Variants in MCTP1 observed in about 807,000 individuals in gnomAD.
The protein encoded by MCTP1 is multiple C2 and transmembrane domain containing 1, also known as multiple C2 and transmembrane domain-containing protein 1.
MCTP1 carries 69 observed loss-of-function variants against 120.6 expected under a neutral mutation model. The ratio of observed to expected loss-of-function variants is 0.57; its 90% CI spans 0.47 to 0.70. The LOEUF is 0.70. MCTP1 is among the 30% of genes least tolerant of loss of function. The probability of loss-of-function intolerance (pLI) is 0.00; values close to 1 mark genes in which losing one functional copy is unlikely to be tolerated. For missense variants in MCTP1, 1,203 were observed against 1,248.8 expected, an observed-to-expected ratio of 0.96 and a Z score of 0.55; for synonymous variants, 529 against 493.1, an observed-to-expected ratio of 1.07 and a Z score of -0.96.
rs1250725948 is a variant in MCTP1, at chr5:95,002,686, A to C, written c.838+14681T>G. On this transcript the variant is annotated intron_variant, in intron 2 of 22. Transcript: ENST00000515393. Reference sequence around the variant, plus strand: ...GTAACCCCATTGTATCTAAGAATTAACTAACTTGCTTTTGATTTTACAGGC... The same window carrying C: ...GTAACCCCATTGTATCTAAGAATTACCTAACTTGCTTTTGATTTTACAGGC... Among the ~76,000 whole-genome samples the C allele has an allele frequency of 7.2e-5, 11 of 152,338 alleles. No individual in the cohort carries two copies. The South Asian group carries it at 2.3e-3, about 32-fold the overall frequency.
At chr5:94,903,417 T>A (rs1806021291) in intron 10 of MCTP1, among the ~76,000 whole-genome samples, 1 of 152,214 alleles carries the variant, frequency 6.6e-6, no homozygotes, top group South Asian at 2.1e-4. Flanking sequence ...CAAAGGCTAT[T>A]TTCCTCATTT....
intron 1 of MCTP1, among the ~76,000 whole-genome samples, chr5:95,280,293 A>G (rs1480552072): frequency 6.6e-6 from 1 of 152,244 alleles, no homozygotes; most frequent in African/African-American, 2.4e-5. Flanking sequence ...TACACTGAAT[A>G]ATTTTCCTAC....
chr5:95,198,176 T>A (rs1430622282), intron 1 of MCTP1, among the ~76,000 whole-genome samples: 2 of 152,276 alleles, frequency 1.3e-5, no homozygotes, highest in Middle Eastern at 6.8e-3. Context: ...TATATGTAAA[T>A]GCATATCTAA....
chr5:95,275,075 A>T (rs1487513271), intron 1 of MCTP1, among the ~76,000 whole-genome samples: 1 of 152,052 alleles, frequency 6.6e-6, no homozygotes, highest in Admixed American at 6.6e-5. Context: ...TGTCATATTG[A>T]TGCTTACATG....
chr5:95,161,259 C>T (rs1457983412), intron 1 of MCTP1, among the ~76,000 whole-genome samples: 1 of 152,076 alleles, frequency 6.6e-6, no homozygotes, highest in Non-Finnish European at 1.5e-5. Flanking sequence ...TAGTATTCGG[C>T]CTCATAAAGG....
intron 19 of MCTP1, among the ~76,000 whole-genome samples, chr5:94,758,953 T>C (rs1405525719): frequency 6.6e-6 from 1 of 152,214 alleles, no homozygotes; most frequent in Non-Finnish European, 1.5e-5. Flanking sequence ...TGGATTTGCC[T>C]TTTTTAATGC....
intron 2 of MCTP1, among the ~76,000 whole-genome samples, chr5:94,958,763 T>C (rs1298845969): frequency 1.3e-5 from 2 of 152,154 alleles, no homozygotes; most frequent in South Asian, 2.1e-4. Context: ...AGTTCTGAAA[T>C]TGAGGCAGTA....
intron 1 of MCTP1, among the ~76,000 whole-genome samples, chr5:95,225,491 C>T (rs1349300798): frequency 6.6e-6 from 1 of 152,170 alleles, no homozygotes; most frequent in Non-Finnish European, 1.5e-5. Context: ...AACAAATATG[C>T]ATACCCTTCC....
chr5:95,242,489 C>T (rs1756275974), intron 1 of MCTP1, among the ~76,000 whole-genome samples: 1 of 151,986 alleles, frequency 6.6e-6, no homozygotes, highest in South Asian at 2.1e-4. Flanking sequence ...GTAGAAACAG[C>T]CCAAAGGTCC....
chr5:94,884,186 G>A (rs1475312901), intron 12 of MCTP1, among the ~76,000 whole-genome samples: 1 of 152,190 alleles, frequency 6.6e-6, no homozygotes, highest in Non-Finnish European at 1.5e-5. Flanking sequence ...TGGAGGCACA[G>A]TAATCAAAGT....
intron 1 of MCTP1, among the ~76,000 whole-genome samples, chr5:95,156,132 A>C (rs59917815): frequency 2.8e-4 from 42 of 152,322 alleles, no homozygotes; most frequent in African/African-American, 1.0e-3. Flanking sequence ...TCTGAACTCC[A>C]GATGAGAACT....
intron 1 of MCTP1, among the ~76,000 whole-genome samples, chr5:95,276,016 T>C (rs554754917): frequency 5.7e-4 from 87 of 152,160 alleles, no homozygotes; most frequent in Non-Finnish European, 1.0e-3. Context: ...AAATCTGCTC[T>C]AGTCTAGTCC....
chr5:95,263,390 T>A (rs1758631294), intron 1 of MCTP1, among the ~76,000 whole-genome samples: 1 of 152,112 alleles, frequency 6.6e-6, no homozygotes, highest in African/African-American at 2.4e-5. Context: ...GCACCTCCAT[T>A]CAAAGCTCCA....
intron 19 of MCTP1, among the ~76,000 whole-genome samples, chr5:94,765,925 A>T (rs943741576): frequency 1.3e-5 from 2 of 152,108 alleles, no homozygotes; most frequent in Admixed American, 1.3e-4. Flanking sequence ...AAACTATTAT[A>T]GACAAGTATA....
intron 2 of MCTP1, chr5:94,979,657 G>A (rs1284275788): frequency 6.6e-6 from 1 of 151,950 alleles, no homozygotes; most frequent in Non-Finnish European, 1.5e-5. Flanking sequence ...TCCCATGTGG[G>A]ATTCTTACTC....
At chr5:94,870,585 T>G in intron 15 of MCTP1, 94 bp from the exon 16 acceptor site, 3 of 956,242 alleles carry the variant, frequency 3.1e-6, no homozygotes, top group Non-Finnish European at 5.0e-6. Context: ...TTCTAAAGTT[T>G]CAAAGTCCTG....
chr5:94,990,756 T>C (rs1831387625), intron 2 of MCTP1, among the ~76,000 whole-genome samples: 1 of 152,208 alleles, frequency 6.6e-6, no homozygotes, highest in Non-Finnish European at 1.5e-5. Flanking sequence ...TTAGAATTCT[T>C]ATTCCACAAG....
rs770145016 is a variant in MCTP1, at chr5:94,909,229, A to G, written c.1652+22T>C. ...AATAAAAATGCTCTAGGAGTGAACC[A>G]AAAATTACAAATTGCACAAACCTGC... On this transcript the variant is annotated intron_variant, in intron 10 of 22. Transcript: ENST00000515393. 2.5e-6 allele frequency: 4 copies of G among 1,610,918 alleles called. No homozygotes were observed. The African/African-American group carries it at 4.0e-5, about 16-fold the overall frequency.
At chr5:95,140,739 G>A (rs1318762106) in intron 1 of MCTP1, among the ~76,000 whole-genome samples, 1 of 146,578 alleles carries the variant, frequency 6.8e-6, no homozygotes, top group Non-Finnish European at 1.5e-5. Flanking sequence ...AATTAGCCGG[G>A]TGTGGTGGTG....
Sources: gnomAD v4.1 joint callset for allele counts (sites outside exome capture counted in the v4.1 genomes callset) on GRCh38, gnomAD v4.1.1 for gene constraint, MANE v1.5 for transcripts, NCBI Gene and HGNC (gene_info 2026-07-23, HGNC 2026-07-21) for gene names.